The following PCDH9 variants were observed in gnomAD, a reference collection of about 807,000 sequenced individuals.
PCDH9 encodes protocadherin-9.
PCDH9 carries 24 observed loss-of-function variants against 70.6 expected under a neutral mutation model. That is an observed-to-expected ratio of 0.34 (90% CI 0.25 to 0.48). The LOEUF (loss-of-function observed/expected upper bound fraction) is 0.48, where lower values mean the gene tolerates loss of function less well. PCDH9 is among the 20% of genes least tolerant of loss of function. The pLI, the probability that PCDH9 is intolerant of heterozygous loss-of-function variation, is 0.99. For missense variants in PCDH9, 1,281 were observed against 1,503.6 expected (o/e 0.85, Z 2.45); for synonymous variants, 562 against 558.5 (o/e 1.01, Z -0.09).
intron 2 of PCDH9, among the ~76,000 whole-genome samples, chr13:67,177,654 G>C (rs188251749): frequency 6.6e-6 from 1 of 151,890 alleles, no homozygotes; most frequent in Admixed American, 6.6e-5. Context: ...CTATGTTGTT[G>C]TCTCTCTCCA....
chr13:67,222,344 G>T (rs1487592835), intron 2 of PCDH9: 1 of 145,964 alleles, frequency 6.9e-6, no homozygotes, highest in Non-Finnish European at 1.5e-5. Flanking sequence ...CCAAAAATTT[G>T]TAAGAAATAA....
At chr13:67,202,097 T>C (rs1397253775) in intron 2 of PCDH9, 3 of 151,982 alleles carry the variant, frequency 2.0e-5, no homozygotes, top group South Asian at 2.1e-4. Flanking sequence ...TTATTTTCTA[T>C]AGGATCCTTT....
At chr13:66,581,201 T>C (rs745626445) in intron 4 of PCDH9, among the ~76,000 whole-genome samples, 2 of 152,152 alleles carry the variant, frequency 1.3e-5, no homozygotes, top group Admixed American at 1.3e-4. Flanking sequence ...ATAGATTATG[T>C]CTGAAAAATG....
chr13:66,533,910 A>G (rs1960576945), intron 4 of PCDH9, among the ~76,000 whole-genome samples: 1 of 152,164 alleles, frequency 6.6e-6, no homozygotes, highest in African/African-American at 2.4e-5. Flanking sequence ...AAATAAAATG[A>G]GTTGACTTTT....
chr13:66,884,741 T>C (rs751883730), intron 3 of PCDH9, among the ~76,000 whole-genome samples: 2 of 152,148 alleles, frequency 1.3e-5, no homozygotes, highest in South Asian at 4.1e-4. Context: ...AGAAAGAAGA[T>C]ATGCCAAATG....
chr13:66,988,619 C>T (rs2083940057), intron 2 of PCDH9, among the ~76,000 whole-genome samples: 1 of 151,886 alleles, frequency 6.6e-6, no homozygotes, highest in Non-Finnish European at 1.5e-5. Context: ...AAGTATTTCC[C>T]AGACGGAATG....
At chr13:66,832,627 A>G (rs1223463130) in intron 3 of PCDH9, among the ~76,000 whole-genome samples, 3 of 152,112 alleles carry the variant, frequency 2.0e-5, no homozygotes, top group Non-Finnish European at 4.4e-5. Flanking sequence ...TCCATATGGG[A>G]TGATACCATC....
At chr13:66,410,015 C>A (rs977334991) in intron 4 of PCDH9, among the ~76,000 whole-genome samples, 3 of 152,298 alleles carry the variant, frequency 2.0e-5, no homozygotes, top group Non-Finnish European at 2.9e-5. Context: ...CTCTCCTGAG[C>A]AGATGGTTGG....
intron 3 of PCDH9, among the ~76,000 whole-genome samples, chr13:66,826,061 A>C (rs2139394415): frequency 6.6e-6 from 1 of 152,298 alleles, no homozygotes; most frequent in East Asian, 1.9e-4. Context: ...TATTTCAATG[A>C]AAAACTACCC....
intron 4 of PCDH9, among the ~76,000 whole-genome samples, chr13:66,367,617 T>C (rs964584867): frequency 2.6e-5 from 4 of 152,098 alleles, no homozygotes; most frequent in Non-Finnish European, 2.9e-5. Flanking sequence ...AGGTTTCACA[T>C]GCTTCTGTAG....
intron 3 of PCDH9, among the ~76,000 whole-genome samples, chr13:66,877,712 G>C (rs540476439): frequency 4.1e-4 from 63 of 152,266 alleles, no homozygotes; most frequent in African/African-American, 1.5e-3. Context: ...TCATTGGACT[G>C]TACCTTTCAG....
intron 4 of PCDH9, among the ~76,000 whole-genome samples, chr13:66,552,760 G>A (rs535707315): frequency 3.9e-4 from 60 of 152,232 alleles, no homozygotes; most frequent in Non-Finnish European, 6.9e-4. Context: ...GTAGTGAAAA[G>A]AAGAAAGATG....
chr13:67,053,753 T>C (rs2085366955), intron 2 of PCDH9, among the ~76,000 whole-genome samples: 1 of 152,186 alleles, frequency 6.6e-6, no homozygotes. Flanking sequence ...GATGACACAA[T>C]TTAAGTTTAT....
chr13:67,172,834 C>T (rs375377466), intron 2 of PCDH9, among the ~76,000 whole-genome samples: 10 of 143,330 alleles, frequency 7.0e-5, no homozygotes, highest in Admixed American at 1.5e-4. Flanking sequence ...GGCGAGATCA[C>T]GCCACTGCAG....
intron 3 of PCDH9, among the ~76,000 whole-genome samples, chr13:66,824,629 T>A (rs1367007992): frequency 7.3e-6 from 1 of 136,164 alleles, no homozygotes; most frequent in East Asian, 2.2e-4. Flanking sequence ...CACTCCAACC[T>A]GGGCAACAAG....
At chr13:66,599,358 A>G (rs999996718) in intron 4 of PCDH9, among the ~76,000 whole-genome samples, 4 of 151,846 alleles carry the variant, frequency 2.6e-5, no homozygotes, top group Non-Finnish European at 5.9e-5. Flanking sequence ...TGATTGAGAA[A>G]TATTTAAAAT....
intron 2 of PCDH9, among the ~76,000 whole-genome samples, chr13:66,944,798 G>A (rs553411433): frequency 1.4e-5 from 2 of 144,470 alleles, no homozygotes; most frequent in African/African-American, 5.4e-5. Context: ...CACATTTAAG[G>A]CCCATCTTCT....
At chr13:66,385,126 T>G (rs1956908383) in intron 4 of PCDH9, among the ~76,000 whole-genome samples, 1 of 152,186 alleles carries the variant, frequency 6.6e-6, no homozygotes, top group South Asian at 2.1e-4. Flanking sequence ...TCTTTCTCTC[T>G]CTGGATTATT....
intron 3 of PCDH9, among the ~76,000 whole-genome samples, chr13:66,878,414 A>G (rs767004855): frequency 4.7e-4 from 72 of 152,016 alleles, no homozygotes; most frequent in Non-Finnish European, 9.4e-4. Context: ...TTTAGTAGAG[A>G]CAGGGTTTCA....
Sources: gnomAD v4.1 joint callset for allele counts (sites outside exome capture counted in the v4.1 genomes callset) on GRCh38, gnomAD v4.1.1 for gene constraint, MANE v1.5 for transcripts, NCBI Gene and HGNC (gene_info 2026-07-23, HGNC 2026-07-21) for gene names.